LTV1: variants seen among roughly 807,000 people sequenced by gnomAD.
The protein encoded by LTV1 is protein LTV1 homolog.
Under a neutral mutation model 59.9 loss-of-function variants are expected in LTV1, and 39 were observed. The observed-to-expected ratio is 0.65, with a 90% confidence interval of 0.50 to 0.85. The LOEUF is 0.85. LTV1 is among the 40% of genes least tolerant of loss of function. The pLI is 0.00. For missense variants in LTV1, 493 were observed against 549.1 expected (o/e 0.90, Z 1.02); for synonymous variants, 171 against 189.5 (o/e 0.90, Z 0.80).
chr6:143,852,543 C>A (rs549240961), intron 4 of LTV1, among the ~76,000 whole-genome samples: 6 of 152,196 alleles, frequency 3.9e-5, no homozygotes, highest in Non-Finnish European at 5.9e-5. Context: ...ATGATAGTTT[C>A]TTTTGCTCTG....
intron 7 of LTV1, among the ~76,000 whole-genome samples, chr6:143,861,292 G>C (rs1259994564): frequency 2.0e-5 from 3 of 151,816 alleles, no homozygotes; most frequent in Non-Finnish European, 4.4e-5. Context: ...ATAAGGACAG[G>C]CTGGGCGTGG....
intron 3 of LTV1, among the ~76,000 whole-genome samples, chr6:143,849,115 G>A (rs1020974413): frequency 2.6e-5 from 4 of 152,106 alleles, no homozygotes; most frequent in African/African-American, 4.8e-5. Context: ...GCTTAATCTC[G>A]CCATGGGTAT....
Position 143,857,858 on chromosome 6 carries a change from A to G in LTV1, c.646A>G (p.Met216Val), listed in dbSNP as rs781339027. 2.0e-5 allele frequency: 32 copies of G among 1,614,034 alleles called. No homozygotes were observed. Among genetic ancestry groups the G allele is most frequent in the Non-Finnish European group, 2.4e-5 (28 of 1,180,034 alleles). ...AGGCCTATTGTCAGATGAAGACTGT[A>G]TGTCTGTGCCCGGAAAAACTCACAG... The part of the protein sequence containing the change: ...SAGLLSDEDC[M>V]SVPGKTHRAI... Residue 216 changes from methionine (M) to valine (V), a missense_variant, in exon 6 of 11, where the codon ATG (methionine) becomes GTG (valine). Met to Val is a conservative substitution (Grantham distance 21). Coordinates refer to ENST00000367576, the MANE Select transcript of LTV1 (RefSeq NM_032860.5). This position sits in a 1 kb window ranked among gnomAD's most constrained non-coding sequence, Gnocchi z 5.2.
Position 143,854,461 on chromosome 6 carries a change from G to A in LTV1, c.398-2842G>A, listed in dbSNP as rs567926755. The stretch of plus-strand genomic sequence containing the variant: ...TGTCTCTATCTCCTTCAGTTCTGCT[G>A]TGTTTTAGTTATGTCTTGTCTTCTA... On this transcript the variant is annotated intron_variant, in intron 4 of 10. Coordinates refer to ENST00000367576, the MANE Select transcript of LTV1 (RefSeq NM_032860.5). Among the ~76,000 whole-genome samples, 7 of 152,078 alleles carry A rather than the reference G, an allele frequency of 4.6e-5. No homozygotes were observed. The South Asian group carries it at 1.5e-3, about 32-fold the overall frequency.
At chr6:143,851,123 G>T (rs1267611279) in intron 4 of LTV1, among the ~76,000 whole-genome samples, 1 of 152,150 alleles carries the variant, frequency 6.6e-6, no homozygotes, top group African/African-American at 2.4e-5. Flanking sequence ...ATTTTAGCCT[G>T]CCCAGAAGGA....
chr6:143,862,791 T>C lies in LTV1; in HGVS notation c.1064-53T>C. ...AATATAGTAGGAATTCAGTAATGCT[T>C]TGTGGAACTGAAAACATGCTTACTG... On this transcript the variant is annotated intron_variant, in intron 8 of 10. Transcript: ENST00000367576. This position sits in a 1 kb window ranked among gnomAD's most constrained non-coding sequence, Gnocchi z 4.2. 3 of 1,101,066 alleles carry C rather than the reference T, an allele frequency of 2.7e-6. No homozygotes were observed. The highest frequency in any genetic ancestry group is 4.2e-6 in the Non-Finnish European group (3 of 713,456). The allele number at this position is 1,101,066 out of a possible 1,614,324, so 68.2% of individuals were successfully genotyped here. A position where few individuals can be genotyped will look rare whatever the true frequency, so the allele number is the denominator to read the frequency against.
intron 7 of LTV1, 130 bp from the exon 8 acceptor site, chr6:143,861,974 G>A (rs1176875428): frequency 2.5e-6 from 2 of 807,354 alleles, no homozygotes; most frequent in Non-Finnish European, 3.9e-6. Flanking sequence ...AATAACGGAT[G>A]GGTCACTGGA....
At chr6:143,856,625 G>A (rs1777080926) in intron 4 of LTV1, among the ~76,000 whole-genome samples, 1 of 152,166 alleles carries the variant, frequency 6.6e-6, no homozygotes, top group Non-Finnish European at 1.5e-5. Flanking sequence ...TTTCTGTGTG[G>A]ACGTCCTATT....
Position 143,863,553 on chromosome 6 carries a change from C to G in LTV1, c.*26C>G. ...ACAGTGGAGCATACAGGGCAAGGCA[C>G]TTTATTAGGGGCTCCTCATCTTTGG... is the stretch of plus-strand genomic sequence containing the variant. On this transcript the variant is annotated 3_prime_UTR_variant, in exon 11 of 11. Transcript: ENST00000367576. The surrounding 1 kb of genome is among the most constrained non-coding windows in gnomAD (Gnocchi z 4.5). The G allele has an allele frequency of 6.9e-7, 1 of 1,457,314 alleles. No homozygotes were observed. The allele number at this position is 1,457,314 out of a possible 1,614,324, so 90.3% of individuals were successfully genotyped here.
rs1374120206 is a variant in LTV1, at chr6:143,862,207, G to A, written c.1027G>A (p.Glu343Lys). 6 of 1,613,480 alleles carry A rather than the reference G, an allele frequency of 3.7e-6. No homozygotes were observed. The highest frequency in any genetic ancestry group is 3.3e-5 in the Admixed American group (2 of 59,992). The change falls in exon 8 of 11, where the codon GAA becomes AAA. Residue 343 changes from glutamate (E) to lysine (K), a missense_variant. Transcript: ENST00000367576. This position sits in a 1 kb window ranked among gnomAD's most constrained non-coding sequence, Gnocchi z 4.2. ...AGAAATGATTACTGTAGTCCTTGAA[G>A]AAGCCAAAGAGAAGTGGGATTGTGA... is the stretch of plus-strand genomic sequence containing the variant. ...EEEMITVVLEEAKEKWDCESI... is the reference protein window; with the variant it reads ...EEEMITVVLEKAKEKWDCESI...
Position 143,863,126 on chromosome 6 carries a change from T to C in LTV1, c.1157T>C (p.Leu386Pro). The C allele has an allele frequency of 6.2e-7, 1 of 1,613,970 alleles. No individual in the cohort carries two copies. The highest frequency in any genetic ancestry group is 8.5e-7 in the Non-Finnish European group (1 of 1,179,918). ...IRISSKTGIPLNVLPKKGLTA... is the reference protein window; with the variant it reads ...IRISSKTGIPPNVLPKKGLTA... ...ATATCTTCTAAAACAGGAATACCTC[T>C]CAATGTCTTACCAAAGAAAGGACTC... The change falls in exon 10 of 11, where the codon CTC becomes CCC. Residue 386 changes from leucine to proline, a missense_variant. Coordinates refer to ENST00000367576, the MANE Select transcript of LTV1 (RefSeq NM_032860.5). This position sits in a 1 kb window ranked among gnomAD's most constrained non-coding sequence, Gnocchi z 4.5.
chr6:143,851,671 C>T (rs534257780), intron 4 of LTV1, among the ~76,000 whole-genome samples: 2 of 151,908 alleles, frequency 1.3e-5, no homozygotes, highest in South Asian at 2.1e-4. Flanking sequence ...TTTGCTGCAC[C>T]CATCAACCCA....
rs1777101711 is a variant in LTV1, at chr6:143,857,798, G to T, written c.586G>T (p.Glu196Ter). 6.2e-7 allele frequency: 1 copy of T among 1,614,098 alleles called. No individual in the cohort carries two copies. Among genetic ancestry groups the T allele is most frequent in the African/African-American group, 1.3e-5 (1 of 75,044 alleles). ...DDSEWEDVDD[E>*]KGDSNDDYDS... ...CAGCGAGTGGGAAGATGTGGATGAT[G>T]AGAAGGGAGATAGCAATGATGACTA... Residue 196 changes from glutamate (E) to a stop codon, truncating the protein, a stop_gained, in exon 6 of 11, where the codon GAG (glutamate) becomes TAG (stop). Coordinates refer to ENST00000367576, the MANE Select transcript of LTV1 (RefSeq NM_032860.5). LOFTEE classifies it high-confidence loss of function. The surrounding 1 kb of genome is among the most constrained non-coding windows in gnomAD (Gnocchi z 5.2).
chr6:143,863,096 T>C lies in LTV1; in HGVS notation c.1127T>C (p.Ile376Thr), dbSNP rs1286342174. Residue 376 changes from isoleucine to threonine, a missense_variant, in exon 10 of 11, where the codon ATT becomes ACT. Ile to Thr is a moderately conservative substitution (Grantham distance 89, BLOSUM62 -1). Coordinates refer to ENST00000367576, the MANE Select transcript of LTV1 (RefSeq NM_032860.5). The surrounding 1 kb of genome is among the most constrained non-coding windows in gnomAD (Gnocchi z 4.5). ...TTATCTGTATTTCAGCCCAAACAAA[T>C]TCGAATATCTTCTAAAACAGGAATA... is the stretch of plus-strand genomic sequence containing the variant. ...LIKYQPKPKQ[I>T]RISSKTGIPL... The C allele has an allele frequency of 1.9e-6, 3 of 1,613,468 alleles. No homozygotes were observed. The highest frequency in any genetic ancestry group is 2.5e-6 in the Non-Finnish European group (3 of 1,179,632).
intron 4 of LTV1, among the ~76,000 whole-genome samples, 183 bp downstream of exon 4, chr6:143,850,401 A>G (rs989921219): frequency 6.6e-6 from 1 of 152,194 alleles, no homozygotes; most frequent in Non-Finnish European, 1.5e-5. Context: ...CCTACCATCA[A>G]ATCTTTATAT....
At position 143,857,241 on chromosome 6, in the gene LTV1, A is replaced by C. The variant is rs1777091631; in HGVS notation, c.398-62A>C. On this transcript the variant is annotated intron_variant, in intron 4 of 10. Coordinates refer to ENST00000367576, the MANE Select transcript of LTV1 (RefSeq NM_032860.5). The surrounding 1 kb of genome is among the most constrained non-coding windows in gnomAD (Gnocchi z 5.2). ...TGCTATCATAGGTCCTTATATTGTG[A>C]GTTAAGTGAATGAATTGTTGCTATC... The C allele has an allele frequency of 1.9e-6, 3 of 1,592,708 alleles. No homozygotes were observed. Among genetic ancestry groups the C allele is most frequent in the Non-Finnish European group, 2.6e-6 (3 of 1,164,726 alleles).
chr6:143,849,982 T>A, intron 3 of LTV1, 149 bp from the exon 4 acceptor site: 2 of 586,850 alleles, frequency 3.4e-6, no homozygotes, highest in Non-Finnish European at 6.0e-6. Context: ...CAGTAAGACC[T>A]CATCTTATTA....
chr6:143,844,358 C>A, intron 1 of LTV1, 128 bp from the exon 2 acceptor site: 2 of 953,848 alleles, frequency 2.1e-6, no homozygotes, highest in South Asian at 1.6e-5. Flanking sequence ...ATGTTGCCTG[C>A]CCTAGAAGTG....
intron 4 of LTV1, among the ~76,000 whole-genome samples, chr6:143,854,010 A>G (rs1002077517): frequency 1.9e-4 from 29 of 152,334 alleles, no homozygotes; most frequent in Admixed American, 1.8e-3. Flanking sequence ...TGTTTGGAAT[A>G]GTTTCAGAAG....
Sources: allele counts gnomAD v4.1 joint callset (sites outside exome capture counted in the v4.1 genomes callset), GRCh38; gene constraint gnomAD v4.1.1; non-coding constraint Gnocchi (gnomAD v3.1); transcripts MANE v1.5; gene names NCBI Gene and HGNC (gene_info 2026-07-23, HGNC 2026-07-21).